The following GPR141 variants were observed in gnomAD, a reference collection of about 807,000 sequenced individuals.
GPR141 encodes probable G protein-coupled receptor 141.
GPR141 carries 6 observed loss-of-function variants against 6.8 expected under a neutral mutation model. That is an observed-to-expected ratio of 0.88 (90% CI 0.48 to 1.74). The LOEUF is 1.74. Ranked by LOEUF, GPR141 falls within the 40% of genes most tolerant of loss-of-function variation. The pLI is 0.01. For synonymous variants in GPR141, 140 were observed against 142.3 expected, an observed-to-expected ratio of 0.98 and a Z score of 0.11; for missense variants, 372 against 372.9, an observed-to-expected ratio of 1.00 and a Z score of 0.02.
At chr7:37,700,985 C>T (rs548726458) in intron 2 of GPR141, among the ~76,000 whole-genome samples, 1 of 152,308 alleles carries the variant, frequency 6.6e-6, no homozygotes, top group Admixed American at 6.5e-5. Context: ...ATGCTTTATT[C>T]TTCCAGTCTA....
intron 2 of GPR141, among the ~76,000 whole-genome samples, chr7:37,692,872 G>T (rs564100859): frequency 6.6e-6 from 1 of 152,202 alleles, no homozygotes; most frequent in South Asian, 2.1e-4. Flanking sequence ...ATTTGTTTGA[G>T]TTCCTTGTAA....
chr7:37,706,307 C>T (rs189226422), intron 2 of GPR141, among the ~76,000 whole-genome samples: 1 of 152,310 alleles, frequency 6.6e-6, no homozygotes, highest in East Asian at 1.9e-4. Context: ...ACTTGGAGAG[C>T]ATTTAAAAAC....
intron 2 of GPR141, among the ~76,000 whole-genome samples, chr7:37,694,310 G>A (rs1032575586): frequency 6.6e-6 from 1 of 152,230 alleles, no homozygotes; most frequent in African/African-American, 2.4e-5. Context: ...GTTTACTTGG[G>A]AGGCAATGCA....
At chr7:37,738,084 A>G (rs1220843047) in intron 2 of GPR141, among the ~76,000 whole-genome samples, 6 of 152,222 alleles carry the variant, frequency 3.9e-5, no homozygotes, top group African/African-American at 9.7e-5. Context: ...TCGGGAGTGT[A>G]TGTGTGCTTT....
intron 2 of GPR141, among the ~76,000 whole-genome samples, chr7:37,702,284 A>G (rs1029463704): frequency 6.6e-6 from 1 of 151,904 alleles, no homozygotes; most frequent in African/African-American, 2.4e-5. Flanking sequence ...ATTTGTCAAT[A>G]TTGTTTTAGG....
intron 2 of GPR141, among the ~76,000 whole-genome samples, chr7:37,690,441 G>A (rs1381627529): frequency 1.3e-5 from 2 of 152,064 alleles, no homozygotes; most frequent in South Asian, 2.1e-4. Flanking sequence ...CCCTTTCACA[G>A]TGCGACGTGC....
intron 2 of GPR141, among the ~76,000 whole-genome samples, chr7:37,708,937 A>G (rs1273433630): frequency 6.6e-6 from 1 of 152,158 alleles, no homozygotes; most frequent in Non-Finnish European, 1.5e-5. Context: ...TATCTCATTT[A>G]TGTGCTAAAT....
At chr7:37,721,525 G>A (rs1307565478) in intron 2 of GPR141, among the ~76,000 whole-genome samples, 2 of 152,200 alleles carry the variant, frequency 1.3e-5, no homozygotes, top group African/African-American at 4.8e-5. Flanking sequence ...GGTCTTCTCT[G>A]AACGGCTTTC....
intron 2 of GPR141, among the ~76,000 whole-genome samples, chr7:37,711,422 G>GCTCA (rs1810789876): frequency 6.6e-6 from 1 of 152,216 alleles, no homozygotes; most frequent in East Asian, 1.9e-4. Context: ...ATGGGAGTAA[G>GCTCA]TGTGGAAAAA....
intron 2 of GPR141, among the ~76,000 whole-genome samples, chr7:37,736,987 G>C (rs1451341763): frequency 2.1e-5 from 3 of 142,138 alleles, no homozygotes; most frequent in Admixed American, 6.7e-5. Flanking sequence ...CATGAAAACT[G>C]AGAATAAGGG....
intron 2 of GPR141, among the ~76,000 whole-genome samples, chr7:37,725,673 G>C (rs903557081): frequency 6.6e-6 from 1 of 152,174 alleles, no homozygotes; most frequent in Non-Finnish European, 1.5e-5. Flanking sequence ...ACAACTTTAT[G>C]GTTGGTGAAC....
chr7:37,724,742 A>G (rs1459550649), intron 2 of GPR141, among the ~76,000 whole-genome samples: 2 of 152,164 alleles, frequency 1.3e-5, no homozygotes, highest in Admixed American at 6.5e-5. Flanking sequence ...TCTGCTGACA[A>G]CCTTTTCTCA....
In GPR141 at chr7:37,740,871, G is replaced by T. The variant is rs751786639; in HGVS notation, c.478G>T (p.Glu160Ter). 63 of 1,613,986 alleles carry T rather than the reference G, an allele frequency of 3.9e-5. No individual in the cohort carries two copies. Among genetic ancestry groups the T allele is most frequent in the Admixed American group, 1.0e-4 (6 of 60,000 alleles). ...LVVSRYGIHE[E>*]YNEEHCFKFH... ...TGTCTCCCGGTATGGAATCCATGAG[G>T]AATACAATGAGGAGCACTGTTTTAA... Residue 160 changes from glutamate to a stop codon, truncating the protein, a stop_gained, in exon 3 of 3, where the codon GAA (glutamate) becomes TAA (stop). Coordinates refer to ENST00000334425, the MANE Select transcript of GPR141 (RefSeq NM_001381946.1). LOFTEE classifies it low-confidence loss of function (END_TRUNC).
intron 2 of GPR141, among the ~76,000 whole-genome samples, chr7:37,702,628 C>A (rs892932494): frequency 2.0e-4 from 31 of 151,380 alleles, no homozygotes; most frequent in African/African-American, 7.5e-4. Flanking sequence ...GGAGATATAC[C>A]TAATGCTAGA....
At chr7:37,734,263 A>G (rs1812126023) in intron 2 of GPR141, among the ~76,000 whole-genome samples, 3 of 152,348 alleles carry the variant, frequency 2.0e-5, no homozygotes, top group African/African-American at 4.8e-5. Context: ...CATAACGACT[A>G]TATGAGGTAG....
intron 2 of GPR141, among the ~76,000 whole-genome samples, chr7:37,707,918 C>T (rs1290104537): frequency 1.3e-5 from 2 of 152,062 alleles, no homozygotes; most frequent in Non-Finnish European, 2.9e-5. Flanking sequence ...GATTTCTGCA[C>T]AATGTGATAA....
chr7:37,707,131 G>T (rs534336125), intron 2 of GPR141, among the ~76,000 whole-genome samples: 1 of 152,128 alleles, frequency 6.6e-6, no homozygotes, highest in South Asian at 2.1e-4. Context: ...TCAGGGGCAG[G>T]GTAACCTCAG....
chr7:37,738,070 G>A (rs1183231875), intron 2 of GPR141, among the ~76,000 whole-genome samples: 1 of 152,136 alleles, frequency 6.6e-6, no homozygotes, highest in Non-Finnish European at 1.5e-5. Flanking sequence ...ATAATAATGA[G>A]TTTTCGGGAG....
chr7:37,720,110 G>A (rs1437124532), intron 2 of GPR141, among the ~76,000 whole-genome samples: 1 of 152,192 alleles, frequency 6.6e-6, no homozygotes, highest in African/African-American at 2.4e-5. Context: ...CAGGGTGTCG[G>A]GAGATTGATG....
Sources: allele counts gnomAD v4.1 joint callset (sites outside exome capture counted in the v4.1 genomes callset), GRCh38; gene constraint gnomAD v4.1.1; transcripts MANE v1.5; gene names NCBI Gene and HGNC (gene_info 2026-07-23, HGNC 2026-07-21).